MBD5: variants seen among roughly 807,000 people sequenced by gnomAD.
MBD5 encodes the protein methyl-CpG-binding domain protein 5.
A neutral mutation model predicts 117.3 loss-of-function variants in MBD5; 13 were observed. That is an observed-to-expected ratio of 0.11 (90% CI 0.07 to 0.18). The LOEUF is 0.18. Among genes scored for constraint, MBD5 ranks in the 10% least tolerant of loss-of-function variants. The probability of loss-of-function intolerance (pLI) is 1.00; values close to 1 mark genes in which losing one functional copy is unlikely to be tolerated. For synonymous variants in MBD5, 727 were observed against 766.4 expected, an observed-to-expected ratio of 0.95 and a Z score of 0.85; for missense variants, 1,879 against 2,093.8, an observed-to-expected ratio of 0.90 and a Z score of 2.00.
At chr2:148,186,811 A>G (rs181577721) in intron 2 of MBD5, among the ~76,000 whole-genome samples, 63 of 152,350 alleles carry the variant, frequency 4.1e-4, no homozygotes, top group African/African-American at 1.4e-3. Flanking sequence ...CCAAACCACT[A>G]GAATAGACAA....
intron 4 of MBD5, among the ~76,000 whole-genome samples, chr2:148,362,324 G>T (rs886203809): frequency 6.6e-6 from 1 of 152,136 alleles, no homozygotes; most frequent in African/African-American, 2.4e-5. Flanking sequence ...CATTACTGAG[G>T]CTTCAGTAGG....
In MBD5 at chr2:148,251,744, G is replaced by A. The variant is rs150305394; in HGVS notation, c.-680+18349G>A. ...AAAAATGTTTAAAAGATAACATTTAGCAAATGTACCTATGGTCAACAATTA... is the reference window on the plus strand; with the variant it reads ...AAAAATGTTTAAAAGATAACATTTAACAAATGTACCTATGGTCAACAATTA... On this transcript the variant is annotated intron_variant, in intron 3 of 13. Transcript: ENST00000642680. Among the ~76,000 whole-genome samples the A allele has an allele frequency of 2.0e-4, 30 of 152,254 alleles. No individual in the cohort carries two copies. In the East Asian group the frequency reaches 5.6e-3, roughly 28 times the overall value.
intron 4 of MBD5, among the ~76,000 whole-genome samples, chr2:148,402,525 C>G (rs935012296): frequency 3.9e-5 from 6 of 152,150 alleles, no homozygotes; most frequent in African/African-American, 1.4e-4. Flanking sequence ...CCTCCTACTT[C>G]TCCCCATCTT....
intron 4 of MBD5, among the ~76,000 whole-genome samples, chr2:148,385,524 G>A (rs6731266): frequency 0.74 from 112,965 of 151,904 alleles, 42,757 homozygotes; most frequent in African/African-American, 0.89. Context: ...ACTGTAAACT[G>A]GTTCAACCAT....
intron 1 of MBD5, among the ~76,000 whole-genome samples, chr2:148,177,510 G>A (rs532860247): frequency 2.0e-5 from 3 of 152,276 alleles, no homozygotes; most frequent in South Asian, 4.1e-4. Context: ...TATCATGGAA[G>A]CTTTCAAATC....
At chr2:148,238,268 A>T (rs1700133755) in intron 3 of MBD5, among the ~76,000 whole-genome samples, 1 of 152,222 alleles carries the variant, frequency 6.6e-6, no homozygotes. Flanking sequence ...CAGAAACCAC[A>T]TTAGAAAACA....
chr2:148,325,598 T>C (rs1574289203), intron 3 of MBD5, among the ~76,000 whole-genome samples: 1 of 152,328 alleles, frequency 6.6e-6, no homozygotes, highest in South Asian at 2.1e-4. Flanking sequence ...ATCCATTTCT[T>C]CTAGATTTTC....
At chr2:148,496,510 T>C (rs1165364391) in intron 11 of MBD5, among the ~76,000 whole-genome samples, 1 of 152,226 alleles carries the variant, frequency 6.6e-6, no homozygotes, top group Non-Finnish European at 1.5e-5. Flanking sequence ...CAACACAGAC[T>C]ACATGAGCTT....
chr2:148,449,375 G>A (rs577670153), intron 4 of MBD5, among the ~76,000 whole-genome samples: 13 of 152,078 alleles, frequency 8.5e-5, no homozygotes, highest in Admixed American at 7.9e-4. Context: ...TGTCAAGGGT[G>A]AAGAGAAAGC....
intron 4 of MBD5, among the ~76,000 whole-genome samples, chr2:148,406,659 C>T (rs894197872): frequency 1.3e-5 from 2 of 152,152 alleles, no homozygotes; most frequent in African/African-American, 4.8e-5. Flanking sequence ...TTTCCAACCC[C>T]ATCTCATGCC....
In MBD5 at chr2:148,490,370, G is replaced by A; in HGVS notation, c.4738G>A (p.Gly1580Arg). ...AGACTTTAATGCCAAAAGCGTTAAT[G>A]GGTGTGTGCCTAGCCCTTCAGATGC... ...NGDFNAKSVN[G>R]CVPSPSDAKS... The change falls in exon 11 of 14, where the codon GGG becomes AGG. Residue 1580 changes from glycine to arginine, a missense_variant. Coordinates refer to ENST00000642680, the MANE Select transcript of MBD5 (RefSeq NM_001378120.1). 6.2e-7 allele frequency: 1 copy of A among 1,614,192 alleles called. No individual in the cohort carries two copies. The highest frequency in any genetic ancestry group is 1.7e-5 in the Admixed American group (1 of 60,026).
At chr2:148,355,086 G>A (rs965945872) in intron 4 of MBD5, among the ~76,000 whole-genome samples, 1 of 151,784 alleles carries the variant, frequency 6.6e-6, no homozygotes, top group African/African-American at 2.4e-5. Context: ...AGAAGTGTCT[G>A]TTCATATCCT....
intron 11 of MBD5, among the ~76,000 whole-genome samples, chr2:148,500,195 G>T (rs1574495434): frequency 2.0e-5 from 3 of 151,964 alleles, no homozygotes; most frequent in African/African-American, 7.2e-5. Context: ...TGGGCAAGTT[G>T]TCATCTAAAT....
At position 148,197,806 on chromosome 2, in the gene MBD5, GT is replaced by G. The variant is rs67499597; in HGVS notation, c.-831+19024del. ...CATAGCATCTGAGGTTTTTTTTTTT[GT>G]TTTTTTTTTTGTTTTTTTTTTTTGA... On this transcript the variant is annotated intron_variant, in intron 2 of 13. Transcript: ENST00000642680. Among the ~76,000 whole-genome samples, 17 of 92,510 alleles carry G rather than the reference GT, an allele frequency of 1.8e-4. No homozygotes were observed. In the South Asian group the frequency reaches 2.2e-3, roughly 12 times the overall value. The allele number at this position is 92,510 out of a possible 152,430, so 60.7% of individuals were successfully genotyped here.
At chr2:148,395,213 A>G (rs1007386027) in intron 4 of MBD5, among the ~76,000 whole-genome samples, 4 of 152,082 alleles carry the variant, frequency 2.6e-5, no homozygotes, top group African/African-American at 9.7e-5. Flanking sequence ...TCTAAAAGCT[A>G]GTTTCCTCAT....
intron 3 of MBD5, among the ~76,000 whole-genome samples, chr2:148,335,394 A>G (rs1702759862): frequency 6.6e-6 from 1 of 152,088 alleles, no homozygotes; most frequent in African/African-American, 2.4e-5. Flanking sequence ...ACATTAATTA[A>G]TTAATTTTAA....
chr2:148,330,139 G>T (rs1012037088), intron 3 of MBD5, among the ~76,000 whole-genome samples: 1 of 105,930 alleles, frequency 9.4e-6, no homozygotes, highest in African/African-American at 3.3e-5. Flanking sequence ...GCCAAAAAAG[G>T]GTATGGTGGG....
intron 1 of MBD5, among the ~76,000 whole-genome samples, chr2:148,128,284 G>A (rs1696950864): frequency 6.6e-6 from 1 of 151,912 alleles, no homozygotes; most frequent in African/African-American, 2.4e-5. Flanking sequence ...TAACTCCCTG[G>A]TTAAAAGACC....
At chr2:148,047,457 A>G (rs1006808795) in intron 1 of MBD5, among the ~76,000 whole-genome samples, 5 of 152,202 alleles carry the variant, frequency 3.3e-5, no homozygotes, top group African/African-American at 1.2e-4. Context: ...TGTTTTTTAC[A>G]TCCTGCTTGG....
Sources: allele counts gnomAD v4.1 joint callset (sites outside exome capture counted in the v4.1 genomes callset), GRCh38; gene constraint gnomAD v4.1.1; transcripts MANE v1.5; gene names NCBI Gene and HGNC (gene_info 2026-07-23, HGNC 2026-07-21).